Variants in LRAT observed in about 807,000 individuals in gnomAD.
The protein encoded by LRAT is lecithin retinol acyltransferase (phosphatidylcholine--retinol O-acyltransferase).
Under a neutral mutation model 14.2 loss-of-function variants are expected in LRAT, and 11 were observed. The observed-to-expected ratio is 0.78, with a 90% CI of 0.49 to 1.29. The LOEUF (loss-of-function observed/expected upper bound fraction) is 1.29, where lower values mean the gene tolerates loss of function less well. LRAT is among the 50% of genes most tolerant of loss of function. LRAT has a pLI of 0.00. For synonymous variants in LRAT, 144 were observed against 124.8 expected, an observed-to-expected ratio of 1.15 and a Z score of -1.03; for missense variants, 274 against 292.4, an observed-to-expected ratio of 0.94 and a Z score of 0.46.
Position 154,749,127 on chromosome 4 carries a change from G to A in LRAT, c.684G>A (p.Met228Ile). ...PAIFIPFFLWMAG is the reference protein window; with the variant it reads ...PAIFIPFFLWIAG ...TTTTTATTCCATTCTTCCTATGGAT[G>A]GCTGGCTAACTTCATACCCCCATGT... is the stretch of plus-strand genomic sequence containing the variant. The change falls in exon 3 of 3, where the codon ATG (methionine) becomes ATA (isoleucine). Residue 228 changes from methionine (M) to isoleucine (I), a missense_variant. Coordinates refer to ENST00000336356, the MANE Select transcript of LRAT (RefSeq NM_004744.5). 6.2e-7 allele frequency: 1 copy of A among 1,613,586 alleles called. No individual in the cohort carries two copies. The highest frequency in any genetic ancestry group is 8.5e-7 in the Non-Finnish European group (1 of 1,179,618).
chr4:154,744,985 A>AT, intron 2 of LRAT, 119 bp downstream of exon 2: 1 of 752,246 alleles, frequency 1.3e-6, no homozygotes, highest in African/African-American at 1.9e-5. Flanking sequence ...TACCACTTCC[A>AT]TACCATCCTT....
chr4:154,748,947 G>A, intron 2 of LRAT, 37 bp from the exon 3 acceptor site: 5 of 1,604,606 alleles, frequency 3.1e-6, no homozygotes, highest in Non-Finnish European at 4.3e-6. Context: ...CTTGGGTTTA[G>A]CCACCTTTCC....
In LRAT at chr4:154,750,642, A is replaced by G. The variant is rs1359234022; in HGVS notation, c.*1506A>G. 2.6e-5 allele frequency: 4 copies of G among 152,126 alleles called. No homozygotes were observed. Among genetic ancestry groups the G allele is most frequent in the Non-Finnish European group, 5.9e-5 (4 of 67,996 alleles). 9.4% of individuals were successfully genotyped at this position (152,126 alleles called of 1,614,324 possible). A position where few individuals can be genotyped will look rare whatever the true frequency, so the allele number is the denominator to read the frequency against. Reference sequence around the variant, plus strand: ...CTCAGTATTTAATTTTTCAAATTAAATATTAAATTATTTAAGTATTTTAAA... The same window carrying G: ...CTCAGTATTTAATTTTTCAAATTAAGTATTAAATTATTTAAGTATTTTAAA... On this transcript the variant is annotated 3_prime_UTR_variant, in exon 3 of 3. Transcript: ENST00000336356.
intron 2 of LRAT, chr4:154,745,579 C>A (rs1256766709): frequency 6.6e-6 from 1 of 152,452 alleles, no homozygotes; most frequent in Non-Finnish European, 1.5e-5. Flanking sequence ...AGGAATCAGT[C>A]ACCGCTGCTT....
At chr4:154,744,966 C>T in intron 2 of LRAT, 100 bp downstream of exon 2, 1 of 966,384 alleles carries the variant, frequency 1.0e-6, no homozygotes, top group Non-Finnish European at 1.6e-6. Context: ...AATTCCTGGA[C>T]ACCTCCCCTA....
At position 154,744,057 on chromosome 4, in the gene LRAT, T is replaced by C; in HGVS notation, c.-167T>C. ...CCCCCAGGTGCGCTCCTTCTCCGGCTGCTTGTAGCACTGGTCTCACTGTCC... is the reference window on the plus strand; with the variant it reads ...CCCCCAGGTGCGCTCCTTCTCCGGCCGCTTGTAGCACTGGTCTCACTGTCC... On this transcript the variant is annotated 5_prime_UTR_variant, in exon 1 of 3. Transcript: ENST00000336356. The C allele has an allele frequency of 1.9e-6, 1 of 515,482 alleles. No homozygotes were observed. The allele number at this position is 515,482 out of a possible 1,614,324, so 31.9% of individuals were successfully genotyped here. A position where few individuals can be genotyped will look rare whatever the true frequency, so the allele number is the denominator to read the frequency against.
rs1443475052 is a variant in LRAT, at chr4:154,749,344, G to T, written c.*208G>T. The T allele has an allele frequency of 1.7e-6, 1 of 576,282 alleles. No individual in the cohort carries two copies. The highest frequency in any genetic ancestry group is 3.1e-6 in the Non-Finnish European group (1 of 325,486). The allele number at this position is 576,282 out of a possible 1,614,324, so 35.7% of individuals were successfully genotyped here. On this transcript the variant is annotated 3_prime_UTR_variant, in exon 3 of 3. Transcript: ENST00000336356. ...TCTTCTCAGGCAGTTCAGATTTAAA[G>T]CACCATCCAAACCTTGGAAATACGA...
chr4:154,742,142 C>T (rs1052617304), upstream of LRAT, among the ~76,000 whole-genome samples: 7 of 152,160 alleles, frequency 4.6e-5, no homozygotes, highest in Admixed American at 4.6e-4. Context: ...CTGCTAGAGG[C>T]TAGCAAGCTC....
In LRAT at chr4:154,744,820, T is replaced by A; in HGVS notation, c.494T>A (p.Val165Glu). 6.2e-7 allele frequency: 1 copy of A among 1,613,920 alleles called. No homozygotes were observed. Among genetic ancestry groups the A allele is most frequent in the Non-Finnish European group, 8.5e-7 (1 of 1,180,018 alleles). The stretch of plus-strand genomic sequence containing the variant: ...CTGTGGAACAACTGCGAGCACTTCG[T>A]GACCTACTGCAGATATGGCACCCCG... The part of the protein sequence containing the change: ...SLLWNNCEHF[V>E]TYCRYGTPIS... Residue 165 changes from valine to glutamate, a missense_variant, in exon 2 of 3, where the codon GTG (valine) becomes GAG (glutamate). By Grantham distance (121) the Val-to-Glu change is moderately radical (BLOSUM62 -2). Transcript: ENST00000336356.
At chr4:154,743,089 G>A (rs1293690562), upstream of LRAT, among the ~76,000 whole-genome samples, 3 of 146,748 alleles carry the variant, frequency 2.0e-5, no homozygotes, top group Non-Finnish European at 4.5e-5. Context: ...AATCACCGGC[G>A]CGCAGGGACT....
At chr4:154,744,980 C>CTTCCATA in intron 2 of LRAT, 114 bp downstream of exon 2, 1 of 760,950 alleles carries the variant, frequency 1.3e-6, no homozygotes, top group Non-Finnish European at 2.2e-6. Context: ...TCCCCTACCA[C>CTTCCATA]TTCCATACCA....
In LRAT at chr4:154,744,482, G is replaced by C; in HGVS notation, c.156G>C (p.Glu52Asp). Residue 52 changes from glutamate (E) to aspartate (D), a missense_variant, in exon 2 of 3, where the codon GAG becomes GAC. Transcript: ENST00000336356. The stretch of plus-strand genomic sequence containing the variant: ...CTTTCCACCGAGGCGACGTGCTGGA[G>C]GTGCCCCGGACCCACCTGACCCACT... ...TSSFHRGDVLEVPRTHLTHYG... is the reference protein window; with the variant it reads ...TSSFHRGDVLDVPRTHLTHYG... 6.2e-7 allele frequency: 1 copy of C among 1,613,992 alleles called. No homozygotes were observed. Among genetic ancestry groups the C allele is most frequent in the Non-Finnish European group, 8.5e-7 (1 of 1,180,038 alleles).
chr4:154,746,454 C>T lies in LRAT; in HGVS notation c.540+1588C>T, dbSNP rs868200657. ...CCACAAAAGACTCAATCTAGGAATT[C>T]TTTTCCAAGTAAAATAAAAATACAG... On this transcript the variant is annotated intron_variant, in intron 2 of 2. Coordinates refer to ENST00000336356, the MANE Select transcript of LRAT (RefSeq NM_004744.5). Among the ~76,000 whole-genome samples, 4 of 152,230 alleles carry T rather than the reference C, an allele frequency of 2.6e-5. 1 individual carries two copies. The Middle Eastern group carries it at 0.01, about 388-fold the overall frequency.
At chr4:154,744,288 G>T in intron 1 of LRAT, 38 bp from the exon 2 acceptor site, 1 of 1,604,930 alleles carries the variant, frequency 6.2e-7, no homozygotes, top group Non-Finnish European at 8.5e-7. Flanking sequence ...CTGCCGGAGT[G>T]GCACCGGCAC....
At position 154,749,018 on chromosome 4, in the gene LRAT, A is replaced by G; in HGVS notation, c.575A>G (p.Gln192Arg). The G allele has an allele frequency of 6.2e-7, 1 of 1,613,816 alleles. No homozygotes were observed. The highest frequency in any genetic ancestry group is 8.5e-7 in the Non-Finnish European group (1 of 1,179,762). The change falls in exon 3 of 3, where the codon CAG (glutamine) becomes CGG (arginine). Residue 192 changes from glutamine (Q) to arginine (R), a missense_variant. Gln to Arg is a conservative substitution (Grantham distance 43). Transcript: ENST00000336356. ...CETVKIIIRD[Q>R]RSVLASAVLG... ...ACTGTGAAGATAATTATTCGTGATCAGAGAAGTGTTCTTGCTTCAGCAGTC... is the reference window on the plus strand; with the variant it reads ...ACTGTGAAGATAATTATTCGTGATCGGAGAAGTGTTCTTGCTTCAGCAGTC...
At chr4:154,746,926 G>A (rs952555770) in intron 2 of LRAT, among the ~76,000 whole-genome samples, 5 of 151,296 alleles carry the variant, frequency 3.3e-5, no homozygotes, top group Middle Eastern at 3.4e-3. Context: ...TAGATTTCCC[G>A]GGGGAAAAAA....
At chr4:154,741,412 C>T (rs974640515), upstream of LRAT, among the ~76,000 whole-genome samples, 2 of 152,198 alleles carry the variant, frequency 1.3e-5, no homozygotes, top group African/African-American at 2.4e-5. Flanking sequence ...GAGAGGGTTA[C>T]TTTCAGGCAA....
In LRAT at chr4:154,744,641, G is replaced by A. The variant is rs746431917; in HGVS notation, c.315G>A (p.Val105=). The change falls in exon 2 of 3, where the codon GTG becomes GTA. Residue 105 remains valine, a synonymous_variant. Transcript: ENST00000336356. ...TCATCCTGGGCGTTATTGTCAAAGT[G>A]GCCAGCATCCGCGTGGACACAGTGG... ...KRLILGVIVK[V]ASIRVDTVED... The A allele has an allele frequency of 2.5e-6, 4 of 1,614,038 alleles. No homozygotes were observed. The highest frequency in any genetic ancestry group is 3.4e-6 in the Non-Finnish European group (4 of 1,180,032).
intron 2 of LRAT, 94 bp from the exon 3 acceptor site, chr4:154,748,890 G>C (rs1732932246): frequency 8.0e-7 from 1 of 1,252,936 alleles, no homozygotes; most frequent in Admixed American, 1.8e-5. Flanking sequence ...CTGGTAGACA[G>C]AAAATAGCTG....
Sources: allele counts gnomAD v4.1 joint callset (sites outside exome capture counted in the v4.1 genomes callset), GRCh38; gene constraint gnomAD v4.1.1; transcripts MANE v1.5; gene names NCBI Gene and HGNC (gene_info 2026-07-23, HGNC 2026-07-21).